The following GBE1 variants were observed in gnomAD, a reference collection of about 807,000 sequenced individuals.
GBE1 encodes 1,4-alpha-glucan-branching enzyme.
A neutral mutation model predicts 88.8 loss-of-function variants in GBE1; 70 were observed. The observed-to-expected ratio is 0.79, with a 90% CI of 0.65 to 0.96. The LOEUF (loss-of-function observed/expected upper bound fraction) is 0.96, where lower values mean the gene tolerates loss of function less well. GBE1 is among the 40% of genes least tolerant of loss of function. The pLI, the probability that GBE1 is intolerant of heterozygous loss-of-function variation, is 0.00. For synonymous variants in GBE1, 284 were observed against 300.1 expected, an observed-to-expected ratio of 0.95 and a Z score of 0.56; for missense variants, 872 against 871.0, an observed-to-expected ratio of 1.00 and a Z score of -0.01.
chr3:81,598,237 A>T (rs1360774768), intron 7 of GBE1, among the ~76,000 whole-genome samples: 2 of 151,996 alleles, frequency 1.3e-5, no homozygotes, highest in African/African-American at 4.8e-5. Flanking sequence ...TATCAAAAAA[A>T]TATAAAGGAA....
chr3:81,524,183 A>C (rs1309765186), intron 14 of GBE1, among the ~76,000 whole-genome samples: 1 of 151,746 alleles, frequency 6.6e-6, no homozygotes, highest in Non-Finnish European at 1.5e-5. Flanking sequence ...TTTTGGAAAA[A>C]AGTTATTTTA....
chr3:81,717,208 T>C (rs184178094), intron 1 of GBE1, among the ~76,000 whole-genome samples: 2 of 152,202 alleles, frequency 1.3e-5, no homozygotes, highest in African/African-American at 4.8e-5. Flanking sequence ...TAGGAAGCAT[T>C]CTGACTTAAT....
At chr3:81,752,522 A>G (rs1438545523) in intron 1 of GBE1, among the ~76,000 whole-genome samples, 1 of 152,208 alleles carries the variant, frequency 6.6e-6, no homozygotes, top group Non-Finnish European at 1.5e-5. Flanking sequence ...GAGAACAGTG[A>G]TTTTGAATTT....
At position 81,721,748 on chromosome 3, in the gene GBE1, A is replaced by C. The variant is rs377184868; in HGVS notation, c.144-16135T>G. 5.3e-5 allele frequency among the ~76,000 whole-genome samples: 8 copies of C among 152,314 alleles called. No homozygotes were observed. The South Asian group carries it at 1.7e-3, about 32-fold the overall frequency. On this transcript the variant is annotated intron_variant, in intron 1 of 15. Coordinates refer to ENST00000429644, the MANE Select transcript of GBE1 (RefSeq NM_000158.4). ...CAGAGCTAGAACAAATGTTTCTCTCAGCATGTTTCACCATGAGATGCTTGT... is the reference window on the plus strand; with the variant it reads ...CAGAGCTAGAACAAATGTTTCTCTCCGCATGTTTCACCATGAGATGCTTGT...
intron 7 of GBE1, among the ~76,000 whole-genome samples, chr3:81,634,916 T>C (rs933715715): frequency 3.9e-5 from 6 of 152,162 alleles, no homozygotes; most frequent in East Asian, 1.9e-4. Flanking sequence ...GCTTCAAAAC[T>C]GCATGAATGA....
intron 14 of GBE1, among the ~76,000 whole-genome samples, chr3:81,518,906 T>C (rs1229729673): frequency 6.6e-6 from 1 of 151,548 alleles, no homozygotes; most frequent in East Asian, 1.9e-4. Context: ...GAGAAAACCC[T>C]GAATTTGCTT....
intron 1 of GBE1, among the ~76,000 whole-genome samples, chr3:81,747,610 G>T (rs1034278535): frequency 6.6e-6 from 1 of 152,148 alleles, no homozygotes; most frequent in African/African-American, 2.4e-5. Context: ...GCACGTATAC[G>T]CCCAGATGGC....
intron 7 of GBE1, chr3:81,612,431 T>A: frequency 1.1e-6 from 1 of 937,880 alleles, no homozygotes; most frequent in South Asian, 1.3e-5. Context: ...AGGATTTTCA[T>A]CAAAATAAAA....
At chr3:81,568,235 C>T (rs1436408503) in intron 12 of GBE1, among the ~76,000 whole-genome samples, 3 of 152,036 alleles carry the variant, frequency 2.0e-5, no homozygotes, top group African/African-American at 7.2e-5. Context: ...GCAACCTCTG[C>T]CTCCCGGGTT....
chr3:81,661,984 T>A (rs1253861136), intron 3 of GBE1, among the ~76,000 whole-genome samples: 3 of 152,198 alleles, frequency 2.0e-5, no homozygotes, highest in Non-Finnish European at 2.9e-5. Flanking sequence ...TACAATTATA[T>A]TTAATCCTTC....
At chr3:81,691,830 A>C (rs1163757139) in intron 2 of GBE1, among the ~76,000 whole-genome samples, 2 of 152,164 alleles carry the variant, frequency 1.3e-5, no homozygotes, top group African/African-American at 4.8e-5. Context: ...TCAAGCACCT[A>C]AGGTAATATT....
chr3:81,545,078 TG>T (rs751894984), intron 12 of GBE1, among the ~76,000 whole-genome samples: 3 of 152,328 alleles, frequency 2.0e-5, no homozygotes, highest in South Asian at 2.1e-4. Context: ...TCCTCTTTCC[TG>T]TACTAAAGAC....
chr3:81,672,352 T>C (rs1270024118), intron 2 of GBE1, among the ~76,000 whole-genome samples: 1 of 151,874 alleles, frequency 6.6e-6, no homozygotes, highest in Non-Finnish European at 1.5e-5. Flanking sequence ...GCCAAAAAAC[T>C]GGAAGCTATC....
chr3:81,722,100 T>G (rs1213397805), intron 1 of GBE1, among the ~76,000 whole-genome samples: 1 of 152,180 alleles, frequency 6.6e-6, no homozygotes, highest in African/African-American at 2.4e-5. Context: ...TTCAAATCCC[T>G]CTTAAGAATT....
At chr3:81,606,668 T>C (rs1704106068) in intron 7 of GBE1, among the ~76,000 whole-genome samples, 1 of 152,200 alleles carries the variant, frequency 6.6e-6, no homozygotes, top group South Asian at 2.1e-4. Context: ...TGCCTAGAAT[T>C]CTCTTCCCTT....
At chr3:81,499,347 G>A (rs1160570719) in intron 14 of GBE1, 120 bp from the exon 15 acceptor site, 1 of 705,252 alleles carries the variant, frequency 1.4e-6, no homozygotes, top group South Asian at 1.5e-5. Context: ...TTTGTGCTAA[G>A]AACTCATTTC....
intron 10 of GBE1, 65 bp from the exon 11 acceptor site, chr3:81,581,340 A>G: frequency 8.0e-6 from 7 of 878,636 alleles, no homozygotes; most frequent in Non-Finnish European, 1.1e-5. Context: ...TTAAATCACA[A>G]TCTGAAGTTA....
chr3:81,499,956 C>T (rs760312093), intron 14 of GBE1, among the ~76,000 whole-genome samples: 6 of 152,014 alleles, frequency 3.9e-5, no homozygotes, highest in Non-Finnish European at 5.9e-5. Context: ...TTCTTCTAGC[C>T]TAAGTAGAAA....
intron 7 of GBE1, among the ~76,000 whole-genome samples, chr3:81,598,392 G>C (rs1488375166): frequency 1.7e-5 from 1 of 58,194 alleles, no homozygotes; most frequent in Non-Finnish European, 3.2e-5. Context: ...AAATGAGAAA[G>C]GTATAGAATG....
Sources: allele counts gnomAD v4.1 joint callset (sites outside exome capture counted in the v4.1 genomes callset), GRCh38; gene constraint gnomAD v4.1.1; transcripts MANE v1.5; gene names NCBI Gene and HGNC (gene_info 2026-07-23, HGNC 2026-07-21).